Variants in TEC observed in about 807,000 individuals in gnomAD.
TEC encodes tyrosine-protein kinase Tec.
A neutral mutation model predicts 93.0 loss-of-function variants in TEC; 72 were observed. That is an observed-to-expected ratio of 0.77 (90% confidence interval 0.64 to 0.94). The LOEUF (loss-of-function observed/expected upper bound fraction) is 0.94, where lower values mean the gene tolerates loss of function less well. TEC is among the 40% of genes least tolerant of loss of function. The pLI, the probability that TEC is intolerant of heterozygous loss-of-function variation, is 0.00. For missense variants in TEC, 630 were observed against 757.9 expected (o/e 0.83, Z 1.98); for synonymous variants, 249 against 247.7 (o/e 1.01, Z -0.05).
intron 2 of TEC, among the ~76,000 whole-genome samples, chr4:48,227,725 G>A (rs1353718405): frequency 6.6e-6 from 1 of 152,046 alleles, no homozygotes; most frequent in African/African-American, 2.4e-5. Context: ...TTAGCCATGG[G>A]CAACCCAGCC....
intron 2 of TEC, among the ~76,000 whole-genome samples, chr4:48,190,578 C>T (rs750025719): frequency 5.3e-5 from 8 of 152,210 alleles, no homozygotes; most frequent in Admixed American, 1.3e-4. Flanking sequence ...CCTAGCAAGA[C>T]GAATCAAAGT....
At position 48,167,873 on chromosome 4, in the gene TEC, T is replaced by C. The variant is rs774419197; in HGVS notation, c.576A>G (p.Ala192=). The stretch of plus-strand genomic sequence containing the variant: ...CTAATCTGAGATCATGTCCTTCTGC[T>C]GCTTGGAAATCATACATGGCTACAA... ...EIVVAMYDFQ[A]AEGHDLRLER... Residue 192 remains alanine, a synonymous_variant, in exon 7 of 18, where the codon GCA becomes GCG. Transcript: ENST00000381501. The C allele has an allele frequency of 1.2e-6, 2 of 1,613,960 alleles. No homozygotes were observed. The highest frequency in any genetic ancestry group is 4.5e-5 in the East Asian group (2 of 44,856).
intron 17 of TEC, among the ~76,000 whole-genome samples, chr4:48,137,798 C>T (rs949581874): frequency 3.3e-5 from 5 of 152,202 alleles, no homozygotes; most frequent in Admixed American, 6.5e-5. Flanking sequence ...TCTGCCACTT[C>T]CCGACCCTCT....
chr4:48,162,644 A>C (rs1035493179), intron 8 of TEC, among the ~76,000 whole-genome samples: 1 of 152,220 alleles, frequency 6.6e-6, no homozygotes, highest in Admixed American at 6.5e-5. Flanking sequence ...CTACTTCTAA[A>C]ATTACTTTGA....
Position 48,174,164 on chromosome 4 carries a change from T to C in TEC, c.243+1918A>G, listed in dbSNP as rs371431281. Among the ~76,000 whole-genome samples the C allele has an allele frequency of 3.3e-4, 51 of 152,378 alleles. 1 individual carries two copies. In the East Asian group the frequency reaches 4.4e-3, roughly 13 times the overall value. On this transcript the variant is annotated intron_variant, in intron 3 of 17. Coordinates refer to ENST00000381501, the MANE Select transcript of TEC (RefSeq NM_003215.3). Reference sequence around the variant, plus strand: ...AGATTGTTTTCAAACTTTTCTCATATTTATTCATCTCAACAATTTTAGTAG... The same window carrying C: ...AGATTGTTTTCAAACTTTTCTCATACTTATTCATCTCAACAATTTTAGTAG...
chr4:48,215,188 A>G (rs1723033474), intron 2 of TEC, among the ~76,000 whole-genome samples: 2 of 152,198 alleles, frequency 1.3e-5, no homozygotes, highest in South Asian at 2.1e-4. Flanking sequence ...TTTTTAAATT[A>G]CATGAGATAC....
chr4:48,241,620 C>A (rs1723925697), intron 1 of TEC, among the ~76,000 whole-genome samples: 1 of 152,160 alleles, frequency 6.6e-6, no homozygotes, highest in Non-Finnish European at 1.5e-5. Context: ...CCTTGACATC[C>A]CCACTGTGCA....
chr4:48,244,187 T>C (rs1327812709), intron 1 of TEC, among the ~76,000 whole-genome samples: 1 of 152,150 alleles, frequency 6.6e-6, no homozygotes, highest in Non-Finnish European at 1.5e-5. Context: ...CTCCCCACAC[T>C]CAATCCACAT....
intron 1 of TEC, among the ~76,000 whole-genome samples, chr4:48,239,267 T>C (rs1723866079): frequency 1.3e-5 from 2 of 152,202 alleles, no homozygotes; most frequent in Admixed American, 1.3e-4. Flanking sequence ...TTAGTTATAA[T>C]CTAAATGGTT....
At chr4:48,235,711 T>A (rs1723764872) in intron 1 of TEC, among the ~76,000 whole-genome samples, 1 of 152,260 alleles carries the variant, frequency 6.6e-6, no homozygotes, top group African/African-American at 2.4e-5. Context: ...CATAGGGGAA[T>A]CCAGGAGTAT....
intron 1 of TEC, among the ~76,000 whole-genome samples, chr4:48,245,241 C>G (rs1457462133): frequency 1.3e-5 from 2 of 150,648 alleles, no homozygotes; most frequent in African/African-American, 4.9e-5. Flanking sequence ...TGCAGTGAGC[C>G]GAGATCGCGC....
intron 2 of TEC, among the ~76,000 whole-genome samples, chr4:48,200,283 G>T (rs1012702750): frequency 2.0e-5 from 3 of 152,044 alleles, no homozygotes; most frequent in African/African-American, 4.8e-5. Context: ...GCTGGGGGGT[G>T]GGGAGTGAGG....
intron 1 of TEC, among the ~76,000 whole-genome samples, chr4:48,234,242 C>T (rs765611213): frequency 2.0e-5 from 3 of 152,146 alleles, no homozygotes; most frequent in South Asian, 2.1e-4. Flanking sequence ...TTCAAATATG[C>T]GCAAGGCTTT....
chr4:48,213,704 T>C (rs1448496993), intron 2 of TEC, among the ~76,000 whole-genome samples: 1 of 152,234 alleles, frequency 6.6e-6, no homozygotes, highest in Non-Finnish European at 1.5e-5. Flanking sequence ...CTTTTGACAG[T>C]TGATAACTTT....
intron 2 of TEC, among the ~76,000 whole-genome samples, chr4:48,190,168 A>G (rs16861108): frequency 0.11 from 16,934 of 152,180 alleles, 1,341 homozygotes; most frequent in East Asian, 0.22. Context: ...CTTGTTCAAT[A>G]CTGTCTGAAA....
At chr4:48,254,663 CA>C (rs2109673099) in intron 1 of TEC, among the ~76,000 whole-genome samples, 1 of 152,352 alleles carries the variant, frequency 6.6e-6, no homozygotes, top group South Asian at 2.1e-4. Context: ...ATGAGGTTAG[CA>C]TTCAATAGTC....
chr4:48,139,806 A>G (rs1278356134), intron 15 of TEC, among the ~76,000 whole-genome samples: 1 of 152,246 alleles, frequency 6.6e-6, no homozygotes, highest in Non-Finnish European at 1.5e-5. Context: ...TTAATTTCTA[A>G]AAGGTTCCAT....
intron 1 of TEC, among the ~76,000 whole-genome samples, chr4:48,266,822 G>T (rs540928681): frequency 7.0e-5 from 10 of 142,388 alleles, no homozygotes; most frequent in Admixed American, 4.4e-4. Flanking sequence ...TGGGCAACAA[G>T]AGCAAAACTC....
At chr4:48,219,936 G>A (rs571343418) in intron 2 of TEC, among the ~76,000 whole-genome samples, 1 of 152,160 alleles carries the variant, frequency 6.6e-6, no homozygotes, top group South Asian at 2.1e-4. Flanking sequence ...CATAGGGCTG[G>A]ACGCTGCAAG....
Sources: allele counts gnomAD v4.1 joint callset (sites outside exome capture counted in the v4.1 genomes callset), GRCh38; gene constraint gnomAD v4.1.1; transcripts MANE v1.5; gene names NCBI Gene and HGNC (gene_info 2026-07-23, HGNC 2026-07-21).